The following PCDH11X variants were observed in gnomAD, a reference collection of about 807,000 sequenced individuals.
PCDH11X encodes the protein protocadherin-11 X-linked.
Under a neutral mutation model 53.3 loss-of-function variants are expected in PCDH11X, and 18 were observed. That is an observed-to-expected ratio of 0.34 (90% CI 0.23 to 0.50). The LOEUF is 0.50. Ranked by LOEUF, PCDH11X falls within the 20% of genes least tolerant of loss-of-function variation. The pLI is 0.98. For synonymous variants in PCDH11X, 279 were observed against 393.3 expected, an observed-to-expected ratio of 0.71 and a Z score of 3.44; for missense variants, 570 against 1,032.4, an observed-to-expected ratio of 0.55 and a Z score of 6.14.
In PCDH11X at chrX:92,015,767, C is replaced by T. The variant is rs113570771; in HGVS notation, c.3033+136494C>T. Among the ~76,000 whole-genome samples the T allele has an allele frequency of 8.6e-3, 965 of 111,631 alleles. 9 individuals carry two copies. The highest frequency in any genetic ancestry group is 0.04 in the South Asian group (105 of 2,636). On this transcript the variant is annotated intron_variant, in intron 6 of 10. Transcript: ENST00000682573. The stretch of plus-strand genomic sequence containing the variant: ...TGAACCCCTCAAAGTCATCCATGAG[C>T]GGGGGAATCACCTTCTTCCAAGTTC...
intron 6 of PCDH11X, among the ~76,000 whole-genome samples, chrX:91,989,555 T>C (rs1245681727): frequency 1.0e-5 from 1 of 99,718 alleles, no homozygotes; most frequent in Non-Finnish European, 2.0e-5. Flanking sequence ...AGAGCGAGAC[T>C]CTATCTCAAA....
chrX:92,261,826 A>G lies in PCDH11X; in HGVS notation c.3115-1288A>G, dbSNP rs775834893. Among the ~76,000 whole-genome samples, 6 of 111,676 alleles carry G rather than the reference A, an allele frequency of 5.4e-5. No individual in the cohort carries two copies. The South Asian group carries it at 2.2e-3, about 41-fold the overall frequency. Reference sequence around the variant, plus strand: ...AGATATAAATAGTGATTGTTTAAAGACAGAGAAATCCAAGGACACTTTCTT... The same window carrying G: ...AGATATAAATAGTGATTGTTTAAAGGCAGAGAAATCCAAGGACACTTTCTT... On this transcript the variant is annotated intron_variant, in intron 7 of 10. Transcript: ENST00000682573.
At chrX:92,155,713 A>G (rs7888486) in intron 6 of PCDH11X, among the ~76,000 whole-genome samples, 7,439 of 98,834 alleles carry the variant, frequency 0.075, 751 homozygotes, top group African/African-American at 0.27. Context: ...TGCAAGCTCC[A>G]CCTCTCGGGT....
intron 6 of PCDH11X, among the ~76,000 whole-genome samples, chrX:91,915,889 T>C (rs990579753): frequency 5.4e-5 from 6 of 110,929 alleles, no homozygotes; most frequent in African/African-American, 2.0e-4. Flanking sequence ...CTGCAGACTA[T>C]ACATTTTTTT....
intron 8 of PCDH11X, among the ~76,000 whole-genome samples, chrX:92,303,480 C>T (rs2068762650): frequency 1.8e-5 from 2 of 111,121 alleles, no homozygotes; most frequent in Non-Finnish European, 3.8e-5. Context: ...CCTAGAGAAC[C>T]TCCAACTGAG....
intron 7 of PCDH11X, among the ~76,000 whole-genome samples, chrX:92,216,800 G>A (rs2066726803): frequency 1.0e-5 from 1 of 98,864 alleles, no homozygotes; most frequent in South Asian, 5.2e-4. Flanking sequence ...GGCAGCCAGA[G>A]AGAAAGGTCG....
chrX:91,913,753 G>A (rs1307302033), intron 6 of PCDH11X, among the ~76,000 whole-genome samples: 1 of 111,063 alleles, frequency 9.0e-6, no homozygotes, highest in African/African-American at 3.3e-5. Context: ...ATCACAGCTG[G>A]TGCTATCTTG....
chrX:92,447,333 G>A (rs1418654498), intron 9 of PCDH11X, among the ~76,000 whole-genome samples: 1 of 111,097 alleles, frequency 9.0e-6, no homozygotes, highest in Non-Finnish European at 1.9e-5. Context: ...CAAGCCCAGA[G>A]GTCTAGGATT....
At chrX:91,795,090 A>C (rs1935688429) in intron 1 of PCDH11X, among the ~76,000 whole-genome samples, 2 of 110,929 alleles carry the variant, frequency 1.8e-5, no homozygotes, top group South Asian at 7.7e-4. Context: ...TAAATTGCCC[A>C]GTCTTGGGTA....
At chrX:92,011,518 A>C (rs189321937) in intron 6 of PCDH11X, among the ~76,000 whole-genome samples, 4 of 112,597 alleles carry the variant, frequency 3.6e-5, no homozygotes, top group African/African-American at 1.3e-4. Context: ...TCCTGAAAGA[A>C]AATGCGTTCT....
At chrX:91,923,503 T>C (rs1270679259) in intron 6 of PCDH11X, among the ~76,000 whole-genome samples, 4 of 110,214 alleles carry the variant, frequency 3.6e-5, no homozygotes, top group Non-Finnish European at 7.6e-5. Flanking sequence ...TTCTTTAGCT[T>C]TGGGACTCTT....
intron 6 of PCDH11X, among the ~76,000 whole-genome samples, chrX:92,151,458 C>T (rs1352850034): frequency 2.7e-5 from 3 of 111,598 alleles, no homozygotes; most frequent in African/African-American, 9.8e-5. Flanking sequence ...TCCCAAAGTG[C>T]TGGGATTACA....
Position 91,878,758 on chromosome X carries a change from C to G in PCDH11X, c.2518C>G (p.Pro840Ala). The G allele has an allele frequency of 8.3e-7, 1 of 1,210,877 alleles. No individual in the cohort carries two copies. The highest frequency in any genetic ancestry group is 1.1e-6 in the Non-Finnish European group (1 of 895,299). ...TGCTGTAGTAAGATGTCGCCAGGCA[C>G]CACACCTTAAGGCTGCTCAGAAAAA... ...ITAVVRCRQA[P>A]HLKAAQKNKQ... Residue 840 changes from proline (P) to alanine (A), a missense_variant, in exon 6 of 11, where the codon CCA becomes GCA. By Grantham distance (27) the Pro-to-Ala change is conservative (BLOSUM62 -1). Transcript: ENST00000682573.
intron 6 of PCDH11X, among the ~76,000 whole-genome samples, chrX:91,934,317 G>A (rs1244149552): frequency 1.8e-5 from 2 of 111,104 alleles, no homozygotes; most frequent in Non-Finnish European, 1.9e-5. Flanking sequence ...TTTAGGCTTG[G>A]GTTGGAATAG....
At chrX:92,371,820 A>G (rs1393606283) in intron 8 of PCDH11X, among the ~76,000 whole-genome samples, 1 of 109,803 alleles carries the variant, frequency 9.1e-6, no homozygotes, top group Non-Finnish European at 1.9e-5. Flanking sequence ...TTTGGGTAAT[A>G]AGGGTTTAGG....
At chrX:92,537,661 A>T (rs1419537855) in intron 10 of PCDH11X, among the ~76,000 whole-genome samples, 1 of 108,599 alleles carries the variant, frequency 9.2e-6, no homozygotes. Context: ...AAAAAAAAAA[A>T]AAAAACCAGA....
chrX:92,064,312 A>G (rs2063570609), intron 6 of PCDH11X, among the ~76,000 whole-genome samples: 2 of 110,022 alleles, frequency 1.8e-5, no homozygotes, highest in Admixed American at 2.0e-4. Context: ...TTTTAAGGAC[A>G]TATTAACGTA....
At chrX:92,480,478 GCTGATGTTC>G (rs2073478874) in intron 10 of PCDH11X, among the ~76,000 whole-genome samples, 1 of 109,972 alleles carries the variant, frequency 9.1e-6, no homozygotes, top group African/African-American at 3.3e-5. Context: ...GTCTTTGTGG[GCTGATGTTC>G]CTTTAGTCTT....
At chrX:91,851,994 T>C (rs1274728730) in intron 5 of PCDH11X, among the ~76,000 whole-genome samples, 1 of 102,896 alleles carries the variant, frequency 9.7e-6, no homozygotes, top group African/African-American at 3.5e-5. Context: ...TCTATTTTCA[T>C]AAAATTAGGA....
Sources: gnomAD v4.1 joint callset for allele counts (sites outside exome capture counted in the v4.1 genomes callset) on GRCh38, gnomAD v4.1.1 for gene constraint, MANE v1.5 for transcripts, NCBI Gene and HGNC (gene_info 2026-07-23, HGNC 2026-07-21) for gene names.